FAM120C: variants seen among roughly 807,000 people sequenced by gnomAD.
FAM120C encodes the protein family with sequence similarity 120 member C, also known as constitutive coactivator of PPAR-gamma-like protein 2.
Under a neutral mutation model 71.2 loss-of-function variants are expected in FAM120C, and 14 were observed. The observed-to-expected ratio is 0.20, with a 90% CI of 0.13 to 0.31. The LOEUF (loss-of-function observed/expected upper bound fraction) is 0.31, where lower values mean the gene tolerates loss of function less well. FAM120C is among the 10% of genes least tolerant of loss of function. FAM120C has a pLI of 1.00. For missense variants in FAM120C, 500 were observed against 879.0 expected, an observed-to-expected ratio of 0.57 and a Z score of 5.45; for synonymous variants, 354 against 353.2, an observed-to-expected ratio of 1.00 and a Z score of -0.03.
chrX:54,086,754 C>CAAAAAAAA (rs60485302), intron 12 of FAM120C, among the ~76,000 whole-genome samples: 4 of 58,102 alleles, frequency 6.9e-5, no homozygotes, highest in Admixed American at 2.7e-4. Flanking sequence ...GAATCTGTCT[C>CAAAAAAAA]AAAAAAAAAA....
chrX:54,158,743 T>C (rs1248271635), intron 2 of FAM120C, among the ~76,000 whole-genome samples: 1 of 111,356 alleles, frequency 9.0e-6, no homozygotes, highest in East Asian at 2.8e-4. Context: ...CACTCCAGCC[T>C]GGGCGACACA....
At chrX:54,172,794 A>G (rs2067295151) in intron 1 of FAM120C, among the ~76,000 whole-genome samples, 1 of 111,808 alleles carries the variant, frequency 8.9e-6, no homozygotes, top group African/African-American at 3.2e-5. Flanking sequence ...GGGACTGAGA[A>G]TGTGTATTTC....
At chrX:54,079,537 G>A (rs1169533196) in intron 15 of FAM120C, among the ~76,000 whole-genome samples, 4 of 112,231 alleles carry the variant, frequency 3.6e-5, no homozygotes, top group Non-Finnish European at 7.5e-5. Flanking sequence ...GGTGGCTCAC[G>A]CCTGTAATCC....
intron 10 of FAM120C, among the ~76,000 whole-genome samples, chrX:54,102,122 C>G (rs996522963): frequency 9.1e-6 from 1 of 109,892 alleles, no homozygotes; most frequent in African/African-American, 3.3e-5. Context: ...GCAGCCTCCA[C>G]CTCCTACGCT....
chrX:54,072,067 CTT>C lies in FAM120C; in HGVS notation c.*964_*965del, dbSNP rs1557120108. 1.9e-5 allele frequency: 2 copies of C among 104,081 alleles called. No homozygotes were observed. The highest frequency in any genetic ancestry group is 7.0e-5 in the African/African-American group (2 of 28,540). The allele number at this position is 104,081 out of a possible 1,213,427, so 8.6% of individuals were successfully genotyped here. A position where few individuals can be genotyped will look rare whatever the true frequency, so the allele number is the denominator to read the frequency against. On this transcript the variant is annotated 3_prime_UTR_variant, in exon 16 of 16. Transcript: ENST00000375180. ...TATGTATAGATAAATAGATCTGTCTCTTTATATAAAGGGTATGTGTATGCATA... is the reference window on the plus strand; with the variant it reads ...TATGTATAGATAAATAGATCTGTCTCTATATAAAGGGTATGTGTATGCATA...
rs1557120012 is a variant in FAM120C, at chrX:54,071,297, T to C, written c.*1736A>G. 1.8e-5 allele frequency: 2 copies of C among 112,863 alleles called. No homozygotes were observed. Among genetic ancestry groups the C allele is most frequent in the African/African-American group, 6.4e-5 (2 of 31,147 alleles). 9.3% of individuals were successfully genotyped at this position (112,863 alleles called of 1,213,427 possible). On this transcript the variant is annotated 3_prime_UTR_variant, in exon 16 of 16. Coordinates refer to ENST00000375180, the MANE Select transcript of FAM120C (RefSeq NM_017848.6). The stretch of plus-strand genomic sequence containing the variant: ...TAGCCTCTTTATCCTGGGCAGATCC[T>C]GGCCACACAGGAGGCTGAGAATCTT...
intron 9 of FAM120C, among the ~76,000 whole-genome samples, chrX:54,125,595 C>T (rs1165032679): frequency 8.8e-6 from 1 of 113,219 alleles, no homozygotes; most frequent in Non-Finnish European, 1.9e-5. Flanking sequence ...CGTGAGCGGC[C>T]ATGCCTGGCC....
At chrX:54,108,504 G>A (rs1469368486) in intron 10 of FAM120C, among the ~76,000 whole-genome samples, 2 of 111,373 alleles carry the variant, frequency 1.8e-5, no homozygotes, top group Non-Finnish European at 3.8e-5. Context: ...AGAAAAGAGT[G>A]GAGATTTGTG....
intron 1 of FAM120C, 113 bp downstream of exon 1, chrX:54,182,387 G>A: frequency 3.3e-6 from 3 of 918,829 alleles, no homozygotes; most frequent in Non-Finnish European, 4.4e-6. Flanking sequence ...TGGGCGGGTA[G>A]GTGGGTGGGT....
chrX:54,146,517 CA>C (rs1569533165), intron 4 of FAM120C, among the ~76,000 whole-genome samples: 1 of 110,127 alleles, frequency 9.1e-6, no homozygotes, highest in African/African-American at 3.3e-5. Flanking sequence ...CTTATCTCTA[CA>C]AAAAATTTAA....
Position 54,072,890 on chromosome X carries a change from A to G in FAM120C, c.*143T>C. 7.2e-6 allele frequency: 5 copies of G among 695,389 alleles called. No individual in the cohort carries two copies. The South Asian group carries it at 1.9e-4, about 26-fold the overall frequency. The allele number at this position is 695,389 out of a possible 1,213,427, so 57.3% of individuals were successfully genotyped here. ...GTCCCAGAAACAGGCAGGGAAGGGG[A>G]AAAGATGGACACAATAGGACATCCC... On this transcript the variant is annotated 3_prime_UTR_variant, in exon 16 of 16. Transcript: ENST00000375180.
chrX:54,098,354 T>C (rs959405009), intron 10 of FAM120C, among the ~76,000 whole-genome samples: 2 of 111,598 alleles, frequency 1.8e-5, no homozygotes, highest in Non-Finnish European at 3.8e-5. Flanking sequence ...TATGAATAAT[T>C]CTACATGAAC....
intron 5 of FAM120C, 120 bp downstream of exon 5, chrX:54,136,371 G>T (rs939408050): frequency 2.0e-6 from 1 of 492,825 alleles, no homozygotes; most frequent in Non-Finnish European, 3.6e-6. Context: ...CAGGGATGAG[G>T]AATGACTTGT....
chrX:54,149,360 G>A (rs925800089), intron 4 of FAM120C, among the ~76,000 whole-genome samples: 4 of 111,580 alleles, frequency 3.6e-5, no homozygotes, highest in Non-Finnish European at 7.5e-5. Flanking sequence ...ATACTGGGCC[G>A]GACGCGGTAG....
chrX:54,170,355 AC>A (rs2067281464), intron 1 of FAM120C, among the ~76,000 whole-genome samples: 1 of 110,204 alleles, frequency 9.1e-6, no homozygotes, highest in Admixed American at 9.7e-5. Context: ...CTGGTCTCGA[AC>A]TCCTGACCTC....
intron 9 of FAM120C, among the ~76,000 whole-genome samples, chrX:54,125,028 A>G (rs1197445863): frequency 9.0e-6 from 1 of 110,744 alleles, no homozygotes; most frequent in Non-Finnish European, 1.9e-5. Flanking sequence ...TCCTTCCTCC[A>G]ATGAAGTGCT....
At chrX:54,171,451 TGTGGG>T (rs1477018615) in intron 1 of FAM120C, 1 of 112,307 alleles carries the variant, frequency 8.9e-6, no homozygotes, top group Non-Finnish European at 1.9e-5. Context: ...TTATTTAAGC[TGTGGG>T]TGTTTATACA....
intron 10 of FAM120C, among the ~76,000 whole-genome samples, chrX:54,107,164 T>C (rs2066911020): frequency 9.1e-6 from 1 of 109,844 alleles, no homozygotes; most frequent in Non-Finnish European, 1.9e-5. Context: ...TGGTGCAATC[T>C]TGGCTCACTG....
chrX:54,140,706 C>A (rs1359014067), intron 4 of FAM120C, among the ~76,000 whole-genome samples: 1 of 109,373 alleles, frequency 9.1e-6, no homozygotes, highest in Non-Finnish European at 1.9e-5. Flanking sequence ...GTAATCCCAG[C>A]ACTTTGGGAG....
Sources: allele counts gnomAD v4.1 joint callset (sites outside exome capture counted in the v4.1 genomes callset), GRCh38; gene constraint gnomAD v4.1.1; transcripts MANE v1.5; gene names NCBI Gene and HGNC (gene_info 2026-07-23, HGNC 2026-07-21).